The following GPR141 variants were observed in gnomAD, a reference collection of about 807,000 sequenced individuals.
The protein encoded by GPR141 is G protein-coupled receptor 141.
Under a neutral mutation model 6.8 loss-of-function variants are expected in GPR141, and 6 were observed. The ratio of observed to expected loss-of-function variants is 0.88; its 90% CI spans 0.48 to 1.74. The LOEUF (loss-of-function observed/expected upper bound fraction) is 1.74. GPR141 is among the 40% of genes most tolerant of loss of function. The pLI, the probability that GPR141 is intolerant of heterozygous loss-of-function variation, is 0.01. For missense variants in GPR141, 372 were observed against 372.9 expected, an observed-to-expected ratio of 1.00 and a Z score of 0.02; for synonymous variants, 140 against 142.3, an observed-to-expected ratio of 0.98 and a Z score of 0.11.
chr7:37,695,214 T>C (rs2131740030), intron 2 of GPR141, among the ~76,000 whole-genome samples: 2 of 152,252 alleles, frequency 1.3e-5, no homozygotes, highest in Middle Eastern at 6.8e-3. Flanking sequence ...GGCCACAGAA[T>C]GGGGGTGGTT....
chr7:37,688,819 C>T lies in GPR141; in HGVS notation c.-15+3236C>T, dbSNP rs117678033. ...ACCTTCCATTAATACCACTAAAGGG[C>T]TTATCAAAATTTTCCTTTCTTGACT... On this transcript the variant is annotated intron_variant, in intron 2 of 2. Coordinates refer to ENST00000334425, the MANE Select transcript of GPR141 (RefSeq NM_001381946.1). 3.3e-3 allele frequency among the ~76,000 whole-genome samples: 497 copies of T among 152,248 alleles called. 16 individuals carry two copies. The East Asian group carries it at 0.055, about 17-fold the overall frequency.
chr7:37,722,729 A>G (rs1025102900), intron 2 of GPR141, among the ~76,000 whole-genome samples: 6 of 151,836 alleles, frequency 4.0e-5, no homozygotes, highest in Non-Finnish European at 5.9e-5. Flanking sequence ...TCAAAAAAAA[A>G]AAAAAAAAAG....
intron 2 of GPR141, among the ~76,000 whole-genome samples, chr7:37,740,064 A>G (rs1812453754): frequency 6.6e-6 from 1 of 152,196 alleles, no homozygotes; most frequent in Admixed American, 6.5e-5. Flanking sequence ...ACTAGTATCC[A>G]AGTACTAGCT....
At chr7:37,740,192 C>T (rs1438070145) in intron 2 of GPR141, among the ~76,000 whole-genome samples, 188 bp from the exon 3 acceptor site, 1 of 152,158 alleles carries the variant, frequency 6.6e-6, no homozygotes, top group Non-Finnish European at 1.5e-5. Flanking sequence ...GAGTAAGAAT[C>T]AATGGCTTAC....
In GPR141 at chr7:37,741,631, G is replaced by A. The variant is rs991825226; in HGVS notation, c.*320G>A. Among the ~76,000 whole-genome samples, 1 of 152,156 alleles carries A rather than the reference G, an allele frequency of 6.6e-6. No homozygotes were observed. Among genetic ancestry groups the A allele is most frequent in the African/African-American group, 2.4e-5 (1 of 41,442 alleles). On this transcript the variant is annotated 3_prime_UTR_variant, in exon 3 of 3. Transcript: ENST00000334425. Reference sequence around the variant, plus strand: ...TTAGAGTTTCATTAGCTCATTCTAAGTTCCTCTGTTTGAAGCATGGTCTCT... The same window carrying A: ...TTAGAGTTTCATTAGCTCATTCTAAATTCCTCTGTTTGAAGCATGGTCTCT...
At chr7:37,720,673 G>T (rs961437614) in intron 2 of GPR141, among the ~76,000 whole-genome samples, 3 of 151,316 alleles carry the variant, frequency 2.0e-5, no homozygotes, top group Admixed American at 6.6e-5. Flanking sequence ...CCCGGAAGGC[G>T]GAGCTTGCAG....
intron 2 of GPR141, among the ~76,000 whole-genome samples, chr7:37,733,056 T>A (rs2131848247): frequency 6.6e-6 from 1 of 152,160 alleles, no homozygotes; most frequent in South Asian, 2.1e-4. Flanking sequence ...AGCCAAAGTG[T>A]GTCAGGTAAG....
intron 2 of GPR141, among the ~76,000 whole-genome samples, chr7:37,728,513 C>T (rs552594171): frequency 2.8e-4 from 43 of 152,122 alleles, no homozygotes; most frequent in African/African-American, 1.0e-3. Context: ...GTGTAGGACT[C>T]TCATTTTGTA....
At chr7:37,721,787 T>C (rs1229103692) in intron 2 of GPR141, among the ~76,000 whole-genome samples, 2 of 152,198 alleles carry the variant, frequency 1.3e-5, no homozygotes, top group Non-Finnish European at 2.9e-5. Flanking sequence ...GAGAGTCTTC[T>C]CTCACTGTCA....
At chr7:37,706,316 A>G (rs1349544827) in intron 2 of GPR141, among the ~76,000 whole-genome samples, 2 of 152,200 alleles carry the variant, frequency 1.3e-5, no homozygotes, top group Non-Finnish European at 2.9e-5. Context: ...GCATTTAAAA[A>G]CCAGATTGAG....
chr7:37,713,030 T>C (rs1053270043), intron 2 of GPR141, among the ~76,000 whole-genome samples: 6 of 152,174 alleles, frequency 3.9e-5, no homozygotes, highest in African/African-American at 1.4e-4. Flanking sequence ...AGAAACACCA[T>C]CTCTTAATGC....
At chr7:37,700,206 G>A (rs568208987) in intron 2 of GPR141, among the ~76,000 whole-genome samples, 4 of 152,088 alleles carry the variant, frequency 2.6e-5, no homozygotes, top group Non-Finnish European at 4.4e-5. Flanking sequence ...CTGAATCATC[G>A]AACTAAAATG....
At position 37,742,115 on chromosome 7, in the gene GPR141, A is replaced by T. The variant is rs1163240226; in HGVS notation, c.*804A>T. Among the ~76,000 whole-genome samples the T allele has an allele frequency of 6.6e-6, 1 of 152,170 alleles. No individual in the cohort carries two copies. Among genetic ancestry groups the T allele is most frequent in the Non-Finnish European group, 1.5e-5 (1 of 68,038 alleles). ...TTAAAATGAGTTCCCAAGGGAAGTG[A>T]TTAAAATTTTTTTCTCTTCTGTTTT... On this transcript the variant is annotated 3_prime_UTR_variant, in exon 3 of 3. Coordinates refer to ENST00000334425, the MANE Select transcript of GPR141 (RefSeq NM_001381946.1).
chr7:37,733,603 C>T (rs1345894025), intron 2 of GPR141, among the ~76,000 whole-genome samples: 4 of 140,654 alleles, frequency 2.8e-5, no homozygotes, highest in Admixed American at 1.5e-4. Flanking sequence ...AGCCGGGAGG[C>T]GGAGGTTGCG....
At chr7:37,700,573 C>A (rs1476773261) in intron 2 of GPR141, among the ~76,000 whole-genome samples, 1 of 152,182 alleles carries the variant, frequency 6.6e-6, no homozygotes, top group African/African-American at 2.4e-5. Flanking sequence ...CAACTAGAAT[C>A]TCCTATTCTG....
chr7:37,733,680 AAAAAAAAAG>A lies in GPR141; in HGVS notation c.-14-6693_-14-6685del, dbSNP rs1812093752. On this transcript the variant is annotated intron_variant, in intron 2 of 2. Coordinates refer to ENST00000334425, the MANE Select transcript of GPR141 (RefSeq NM_001381946.1). ...GAGTGAAACTCCATCTCAAAAAAAAAAAAAAAAAGAAAAAAGAAAAGAAAAAAAAAGTAT... is the reference window on the plus strand; with the variant it reads ...GAGTGAAACTCCATCTCAAAAAAAAAAAAAAAGAAAAGAAAAAAAAAGTAT... 2.7e-5 allele frequency among the ~76,000 whole-genome samples: 4 copies of A among 150,890 alleles called. No homozygotes were observed. In the South Asian group the frequency reaches 6.3e-4, roughly 24 times the overall value.
chr7:37,738,509 C>T (rs994749590), intron 2 of GPR141, among the ~76,000 whole-genome samples: 1 of 152,206 alleles, frequency 6.6e-6, no homozygotes, highest in South Asian at 2.1e-4. Context: ...TTTCAGCCTA[C>T]GGATGAAATA....
chr7:37,724,822 G>A, intron 2 of GPR141, among the ~76,000 whole-genome samples: 1 of 152,216 alleles, frequency 6.6e-6, no homozygotes, highest in East Asian at 1.9e-4. Flanking sequence ...TGTCCTTGAG[G>A]TGGGGCCTAT....
intron 1 of GPR141, among the ~76,000 whole-genome samples, chr7:37,684,413 CAT>C (rs1419850471): frequency 1.3e-5 from 2 of 152,124 alleles, no homozygotes; most frequent in Non-Finnish European, 2.9e-5. Context: ...TTCAAAATAA[CAT>C]GTGAAATAAT....
Sources: allele counts gnomAD v4.1 joint callset (sites outside exome capture counted in the v4.1 genomes callset), GRCh38; gene constraint gnomAD v4.1.1; transcripts MANE v1.5; gene names NCBI Gene and HGNC (gene_info 2026-07-23, HGNC 2026-07-21).